SKAP2: variants seen among roughly 807,000 people sequenced by gnomAD.
SKAP2 encodes src kinase-associated phosphoprotein 2.
SKAP2 carries 28 observed loss-of-function variants against 54.9 expected under a neutral mutation model. The ratio of observed to expected loss-of-function variants is 0.51; its 90% CI spans 0.38 to 0.70. The LOEUF (loss-of-function observed/expected upper bound fraction) is 0.70. Among genes scored for constraint, SKAP2 ranks in the 30% least tolerant of loss-of-function variants. The pLI is 0.00. For missense variants in SKAP2, 356 were observed against 424.1 expected (o/e 0.84, Z 1.41); for synonymous variants, 137 against 134.3 (o/e 1.02, Z -0.14).
At chr7:26,811,298 T>A (rs1182964532) in intron 4 of SKAP2, among the ~76,000 whole-genome samples, 1 of 152,200 alleles carries the variant, frequency 6.6e-6, no homozygotes, top group Non-Finnish European at 1.5e-5. Flanking sequence ...CAATAATTCA[T>A]CATGCATGCC....
intron 4 of SKAP2, among the ~76,000 whole-genome samples, chr7:26,742,911 A>G (rs746666639): frequency 1.3e-5 from 2 of 152,228 alleles, no homozygotes; most frequent in Non-Finnish European, 2.9e-5. Flanking sequence ...ATGAATTCTC[A>G]TATCATTTAG....
intron 9 of SKAP2, among the ~76,000 whole-genome samples, chr7:26,714,561 G>A (rs1395032707): frequency 1.3e-5 from 2 of 152,180 alleles, no homozygotes; most frequent in African/African-American, 4.8e-5. Flanking sequence ...GGCCAGATAT[G>A]AAGAGTGCTT....
intron 4 of SKAP2, among the ~76,000 whole-genome samples, chr7:26,828,338 C>T (rs601106): frequency 0.43 from 64,654 of 151,946 alleles, 14,732 homozygotes; most frequent in East Asian, 0.56. Context: ...TTCTTTTTAA[C>T]GAACGATGTT....
chr7:26,793,571 A>T (rs1018714627), intron 4 of SKAP2, among the ~76,000 whole-genome samples: 2 of 152,200 alleles, frequency 1.3e-5, no homozygotes, highest in African/African-American at 2.4e-5. Context: ...TGACCTGGCA[A>T]GGAAGTTAGA....
chr7:26,727,073 A>G, intron 6 of SKAP2, 67 bp from the exon 7 acceptor site: 1 of 1,284,802 alleles, frequency 7.8e-7, no homozygotes, highest in Non-Finnish European at 1.1e-6. Context: ...CTTTTATGTA[A>G]AATTTCTTCA....
At chr7:26,655,959 G>C in the SKAP2 span, among the ~76,000 whole-genome samples, 19,345 of 152,074 alleles carry the variant, frequency 0.13, 1,765 homozygotes, top group African/African-American at 0.26. Context: ...GTTAGCAAGG[G>C]CTTCCTCTCA....
intron 4 of SKAP2, among the ~76,000 whole-genome samples, chr7:26,755,556 G>A (rs1402695232): frequency 6.6e-6 from 1 of 152,136 alleles, no homozygotes; most frequent in Non-Finnish European, 1.5e-5. Flanking sequence ...AACATGAAAA[G>A]AGATGAGTGT....
intron 4 of SKAP2, among the ~76,000 whole-genome samples, chr7:26,770,543 G>A (rs1279742549): frequency 2.0e-5 from 3 of 152,118 alleles, no homozygotes; most frequent in African/African-American, 7.2e-5. Flanking sequence ...CTGCGCAAAT[G>A]GCCACCCAGT....
At chr7:26,723,294 C>T (rs531255835) in intron 9 of SKAP2, among the ~76,000 whole-genome samples, 16 of 152,288 alleles carry the variant, frequency 1.1e-4, no homozygotes, top group Non-Finnish European at 1.6e-4. Flanking sequence ...ACTTGCTGAA[C>T]CGTGCAGATG....
chr7:26,772,050 T>C (rs1053095549), intron 4 of SKAP2, among the ~76,000 whole-genome samples: 4 of 152,192 alleles, frequency 2.6e-5, no homozygotes, highest in Admixed American at 2.6e-4. Flanking sequence ...CTATGGGGAT[T>C]ATACTTTATA....
At chr7:26,846,601 G>A (rs1261419514) in intron 3 of SKAP2, among the ~76,000 whole-genome samples, 1 of 152,124 alleles carries the variant, frequency 6.6e-6, no homozygotes, top group Non-Finnish European at 1.5e-5. Flanking sequence ...TCACTAACAG[G>A]TGAAAGACCT....
intron 6 of SKAP2, among the ~76,000 whole-genome samples, chr7:26,728,960 G>A (rs1787767174): frequency 6.6e-6 from 1 of 152,058 alleles, no homozygotes; most frequent in African/African-American, 2.4e-5. Context: ...AATGTAACTT[G>A]AATGCAGGTG....
At chr7:26,861,289 T>C (rs1312755136) in intron 1 of SKAP2, among the ~76,000 whole-genome samples, 1 of 152,028 alleles carries the variant, frequency 6.6e-6, no homozygotes, top group East Asian at 1.9e-4. Context: ...AGTCAAAATA[T>C]TTGGATGTGA....
intron 4 of SKAP2, among the ~76,000 whole-genome samples, 154 bp downstream of exon 4, chr7:26,843,876 C>T (rs1478771841): frequency 6.6e-6 from 1 of 151,932 alleles, no homozygotes; most frequent in East Asian, 1.9e-4. Flanking sequence ...CTCACCAGAA[C>T]CACTAGAGAG....
At chr7:26,864,281 C>G in intron 1 of SKAP2, 82 bp downstream of exon 1, 3 of 1,542,176 alleles carry the variant, frequency 1.9e-6, no homozygotes, top group Non-Finnish European at 2.7e-6. Flanking sequence ...AGGATAAGGG[C>G]TCTGAATGCT....
chr7:26,790,013 T>C (rs1783641247), intron 4 of SKAP2, among the ~76,000 whole-genome samples: 2 of 152,184 alleles, frequency 1.3e-5, no homozygotes, highest in African/African-American at 4.8e-5. Context: ...GAAAGCCCTT[T>C]ACAAGACTGC....
intron 8 of SKAP2, among the ~76,000 whole-genome samples, 170 bp from the exon 9 acceptor site, chr7:26,725,735 G>C (rs1270328782): frequency 1.3e-5 from 2 of 152,120 alleles, no homozygotes; most frequent in Non-Finnish European, 2.9e-5. Flanking sequence ...GAATTTTAAA[G>C]TAAGCCAATT....
intron 4 of SKAP2, among the ~76,000 whole-genome samples, chr7:26,748,372 T>C (rs973924913): frequency 1.3e-5 from 2 of 152,146 alleles, no homozygotes; most frequent in Non-Finnish European, 2.9e-5. Flanking sequence ...CCGGGGAAGA[T>C]AGCATATCAA....
At chr7:26,729,813 AT>A (rs1190896818) in intron 6 of SKAP2, among the ~76,000 whole-genome samples, 2 of 152,206 alleles carry the variant, frequency 1.3e-5, no homozygotes, top group African/African-American at 4.8e-5. Flanking sequence ...ATAAATGCCA[AT>A]AACCAAAGAC....
Sources: gnomAD v4.1 joint callset for allele counts (sites outside exome capture counted in the v4.1 genomes callset) on GRCh38, gnomAD v4.1.1 for gene constraint, MANE v1.5 for transcripts, NCBI Gene and HGNC (gene_info 2026-07-23, HGNC 2026-07-21) for gene names.